Variants in MYRIP observed in about 807,000 individuals in gnomAD.
MYRIP encodes the protein myosin VIIA and Rab interacting protein.
In MYRIP, 49 loss-of-function variants were observed where a neutral mutation model predicts 98.0. The observed-to-expected ratio is 0.50, with a 90% confidence interval of 0.40 to 0.63. The LOEUF (loss-of-function observed/expected upper bound fraction) is 0.63. MYRIP is among the 30% of genes least tolerant of loss of function. The pLI is 0.00. For missense variants in MYRIP, 1,004 were observed against 1,058.2 expected (o/e 0.95, Z 0.71); for synonymous variants, 404 against 409.5 (o/e 0.99, Z 0.16).
upstream of MYRIP, chr3:39,808,927 C>T (rs1465862762): frequency 6.6e-6 from 1 of 152,232 alleles, no homozygotes; most frequent in African/African-American, 2.4e-5. Flanking sequence ...CCGGCGGTTC[C>T]GCAGCTGTGT....
intron 2 of MYRIP, among the ~76,000 whole-genome samples, chr3:39,991,923 G>A (rs147167033): frequency 1.3e-5 from 2 of 152,224 alleles, no homozygotes; most frequent in East Asian, 1.9e-4. Flanking sequence ...ATAGTGCATA[G>A]TGCACACTAA....
chr3:39,961,702 C>T (rs1945329222), intron 2 of MYRIP, among the ~76,000 whole-genome samples: 1 of 152,110 alleles, frequency 6.6e-6, no homozygotes, highest in South Asian at 2.1e-4. Flanking sequence ...CAGAAGACCA[C>T]AAAACTGCAT....
chr3:39,817,721 A>G (rs1158082330), intron 1 of MYRIP, among the ~76,000 whole-genome samples: 1 of 152,136 alleles, frequency 6.6e-6, no homozygotes, highest in Non-Finnish European at 1.5e-5. Flanking sequence ...GACTAGTCAC[A>G]TTTCAAGTGC....
intron 2 of MYRIP, among the ~76,000 whole-genome samples, chr3:39,980,721 T>G (rs1325525446): frequency 6.6e-6 from 1 of 152,246 alleles, no homozygotes; most frequent in Non-Finnish European, 1.5e-5. Flanking sequence ...CCTTTTCTAT[T>G]TAAACAGCAA....
At chr3:39,966,765 A>G (rs1945452982) in intron 2 of MYRIP, among the ~76,000 whole-genome samples, 1 of 152,118 alleles carries the variant, frequency 6.6e-6, no homozygotes, top group African/African-American at 2.4e-5. Flanking sequence ...ACCAAGGGGG[A>G]AGAAATACGG....
rs939152255 is a variant in MYRIP, at chr3:39,985,961, A to G, written c.111-58089A>G. ...ACAAAAGCCAAAATTGACAAATGGGATCTAATTAAACTAAAGAGCTTCTGC... is the reference window on the plus strand; with the variant it reads ...ACAAAAGCCAAAATTGACAAATGGGGTCTAATTAAACTAAAGAGCTTCTGC... On this transcript the variant is annotated intron_variant, in intron 2 of 16. Transcript: ENST00000302541. 2.0e-5 allele frequency among the ~76,000 whole-genome samples: 3 copies of G among 152,218 alleles called. No homozygotes were observed. In the East Asian group the frequency reaches 5.8e-4, roughly 29 times the overall value.
intron 2 of MYRIP, among the ~76,000 whole-genome samples, chr3:39,956,195 A>C (rs536859658): frequency 7.9e-5 from 12 of 152,300 alleles, no homozygotes; most frequent in Middle Eastern, 3.4e-3. Flanking sequence ...ACATCTGCGG[A>C]ACTCTCCACC....
chr3:39,841,099 A>G (rs1017347910), intron 1 of MYRIP, among the ~76,000 whole-genome samples: 1 of 152,140 alleles, frequency 6.6e-6, no homozygotes, highest in Non-Finnish European at 1.5e-5. Context: ...AGGTACACCA[A>G]TCAAATGTAG....
At chr3:40,015,158 G>A (rs144953414) in intron 2 of MYRIP, among the ~76,000 whole-genome samples, 1 of 152,188 alleles carries the variant, frequency 6.6e-6, no homozygotes, top group Non-Finnish European at 1.5e-5. Context: ...GTTGCATTTT[G>A]TTCTTGCTGG....
intron 2 of MYRIP, among the ~76,000 whole-genome samples, chr3:39,935,631 A>T (rs1944638574): frequency 6.6e-6 from 1 of 152,152 alleles, no homozygotes; most frequent in Non-Finnish European, 1.5e-5. Flanking sequence ...AATCAGTAGA[A>T]ACATCATGAA....
chr3:40,183,441 T>C (rs1462520512), intron 9 of MYRIP, among the ~76,000 whole-genome samples: 1 of 152,242 alleles, frequency 6.6e-6, no homozygotes, highest in Non-Finnish European at 1.5e-5. Context: ...TGGTCCTTTA[T>C]AAAGCTGTTG....
chr3:39,899,700 G>C (rs1002478269), intron 1 of MYRIP, among the ~76,000 whole-genome samples: 11 of 152,172 alleles, frequency 7.2e-5, no homozygotes, highest in African/African-American at 2.4e-4. Context: ...AATGAAAACT[G>C]TCATTGTCCC....
rs1944046555 is a variant in MYRIP at position 39,912,541 on chromosome 3, G to GA, written c.110+11617dup. 5.9e-5 allele frequency among the ~76,000 whole-genome samples: 9 copies of GA among 152,190 alleles called. No homozygotes were observed. The South Asian group carries it at 1.9e-3, about 32-fold the overall frequency. On this transcript the variant is annotated intron_variant, in intron 2 of 16. Transcript: ENST00000302541. Reference sequence around the variant, plus strand: ...AAATCCTTTAAAACCAGAAACTTTAGAAGGAATAAGACGTATAGTTTTAGA... The same window carrying GA: ...AAATCCTTTAAAACCAGAAACTTTAGAAAGGAATAAGACGTATAGTTTTAGA...
intron 2 of MYRIP, among the ~76,000 whole-genome samples, chr3:39,936,475 A>G (rs1944657466): frequency 6.6e-6 from 1 of 152,154 alleles, no homozygotes; most frequent in Non-Finnish European, 1.5e-5. Flanking sequence ...TGCACTCACA[A>G]CTTGAGAGCC....
intron 2 of MYRIP, among the ~76,000 whole-genome samples, chr3:39,947,187 G>A (rs1944922888): frequency 6.6e-6 from 1 of 152,080 alleles, no homozygotes; most frequent in Non-Finnish European, 1.5e-5. Context: ...AAGTAAAGTT[G>A]TGATATTTTA....
intron 3 of MYRIP, among the ~76,000 whole-genome samples, chr3:40,116,401 C>A (rs747272201): frequency 8.7e-5 from 11 of 126,600 alleles, no homozygotes; most frequent in Non-Finnish European, 1.9e-4. Context: ...TCTTCAGAAA[C>A]TTCTAGATGG....
rs144493182 is a variant in MYRIP, at chr3:39,878,174, G to T, written c.-30-22613G>T. On this transcript the variant is annotated intron_variant, in intron 1 of 16. Transcript: ENST00000302541. ...CATATGCGGGATATAATCTCCTGGT[G>T]TGCCGTTTTTTAGGCCTGTCGGAGA... 7.9e-3 allele frequency among the ~76,000 whole-genome samples: 1,208 copies of T among 152,348 alleles called. 10 individuals carry two copies. The highest frequency in any genetic ancestry group is 0.027 in the African/African-American group (1,140 of 41,570).
At chr3:40,138,160 C>T (rs1038738359) in intron 3 of MYRIP, among the ~76,000 whole-genome samples, 2 of 152,206 alleles carry the variant, frequency 1.3e-5, no homozygotes, top group Admixed American at 6.5e-5. Flanking sequence ...GCCCGCATTG[C>T]GGCACATATC....
intron 2 of MYRIP, among the ~76,000 whole-genome samples, chr3:40,040,095 A>G (rs1417383018): frequency 6.6e-6 from 1 of 152,236 alleles, no homozygotes; most frequent in Non-Finnish European, 1.5e-5. Flanking sequence ...TTCTTAATTT[A>G]TAAGACCCCT....
Sources: gnomAD v4.1 joint callset for allele counts (sites outside exome capture counted in the v4.1 genomes callset) on GRCh38, gnomAD v4.1.1 for gene constraint, MANE v1.5 for transcripts, NCBI Gene and HGNC (gene_info 2026-07-23, HGNC 2026-07-21) for gene names.